PHACTR4: variants seen among roughly 807,000 people sequenced by gnomAD.
PHACTR4 encodes protein phosphatase 1, regulatory subunit 124.
Under a neutral mutation model 72.7 loss-of-function variants are expected in PHACTR4, and 51 were observed. The ratio of observed to expected loss-of-function variants is 0.70; its 90% CI spans 0.56 to 0.89. The LOEUF is 0.89. Among genes scored for constraint, PHACTR4 ranks in the 40% least tolerant of loss-of-function variants. The probability of loss-of-function intolerance (pLI) is 0.00; values close to 1 mark genes in which losing one functional copy is unlikely to be tolerated. For synonymous variants in PHACTR4, 255 were observed against 302.5 expected (o/e 0.84, Z 1.63); for missense variants, 731 against 861.8 (o/e 0.85, Z 1.90).
intron 2 of PHACTR4, among the ~76,000 whole-genome samples, chr1:28,413,193 T>C (rs1441716435): frequency 2.6e-5 from 4 of 152,192 alleles, no homozygotes; most frequent in African/African-American, 9.7e-5. Context: ...TCAAGTATGT[T>C]CAAAGAAGAA....
At chr1:28,373,820 G>A (rs1176742604) in intron 1 of PHACTR4, among the ~76,000 whole-genome samples, 1 of 152,136 alleles carries the variant, frequency 6.6e-6, no homozygotes, top group African/African-American at 2.4e-5. Flanking sequence ...TTTTACAGCT[G>A]ATAAAGCCTA....
At chr1:28,493,538 CAA>C (rs34819233) in intron 13 of PHACTR4, among the ~76,000 whole-genome samples, 17 of 104,072 alleles carry the variant, frequency 1.6e-4, no homozygotes, top group Non-Finnish European at 1.3e-4. Flanking sequence ...AACTCCATCT[CAA>C]AAAAAAAAAA....
At chr1:28,469,565 A>C (rs1421447123) in intron 6 of PHACTR4, among the ~76,000 whole-genome samples, 4 of 152,214 alleles carry the variant, frequency 2.6e-5, no homozygotes, top group African/African-American at 9.7e-5. Context: ...TATTTTATTA[A>C]TTCAAAAGTA....
At chr1:28,457,009 G>C (rs1035601453) in intron 2 of PHACTR4, among the ~76,000 whole-genome samples, 1 of 152,140 alleles carries the variant, frequency 6.6e-6, no homozygotes, top group Non-Finnish European at 1.5e-5. Context: ...GAATGTCCTT[G>C]TATAAGTCAT....
chr1:28,414,413 G>T (rs1654974160), intron 2 of PHACTR4, among the ~76,000 whole-genome samples: 2 of 109,944 alleles, frequency 1.8e-5, no homozygotes, highest in Non-Finnish European at 3.6e-5. Context: ...TTTGGGGTCA[G>T]TCTTCCTCTG....
In PHACTR4 at chr1:28,465,860, C is replaced by G; in HGVS notation, c.436+11C>G. On this transcript the variant is annotated intron_variant, in intron 5 of 13. Coordinates refer to ENST00000373839, the MANE Select transcript of PHACTR4 (RefSeq NM_001048183.3). ...TAAAGAAACGACTAGGTAAGAAACT[C>G]TGGATTTTTGAGTTTAAGAGCCACG... 1 of 1,597,398 alleles carries G rather than the reference C, an allele frequency of 6.3e-7. No individual in the cohort carries two copies. The highest frequency in any genetic ancestry group is 8.5e-7 in the Non-Finnish European group (1 of 1,175,532).
At chr1:28,488,897 T>A (rs1293957166) in intron 9 of PHACTR4, among the ~76,000 whole-genome samples, 1 of 152,210 alleles carries the variant, frequency 6.6e-6, no homozygotes, top group African/African-American at 2.4e-5. Context: ...CTAACTGAAC[T>A]TTTTTGTGCT....
At chr1:28,428,125 A>C (rs1328511104) in intron 2 of PHACTR4, among the ~76,000 whole-genome samples, 1 of 152,252 alleles carries the variant, frequency 6.6e-6, no homozygotes, top group African/African-American at 2.4e-5. Flanking sequence ...GATTTGAATC[A>C]GTTGTCTGAT....
At chr1:28,476,653 G>A (rs1317610056) in intron 8 of PHACTR4, among the ~76,000 whole-genome samples, 1 of 150,266 alleles carries the variant, frequency 6.7e-6, no homozygotes, top group Non-Finnish European at 1.5e-5. Context: ...TGATCCTTAC[G>A]CCTCAACCTC....
intron 7 of PHACTR4, among the ~76,000 whole-genome samples, chr1:28,475,598 G>A (rs539818482): frequency 3.9e-5 from 6 of 152,178 alleles, no homozygotes; most frequent in African/African-American, 1.4e-4. Flanking sequence ...GGTAAAGCTG[G>A]GATCTGAACC....
At chr1:28,436,085 T>C (rs1258873498) in intron 2 of PHACTR4, among the ~76,000 whole-genome samples, 1 of 152,196 alleles carries the variant, frequency 6.6e-6, no homozygotes, top group Non-Finnish European at 1.5e-5. Context: ...TTGTTACCTT[T>C]GCTGTTTTTT....
At chr1:28,394,137 T>C (rs1557783835) in intron 1 of PHACTR4, among the ~76,000 whole-genome samples, 7 of 152,022 alleles carry the variant, frequency 4.6e-5, no homozygotes, top group Admixed American at 2.6e-4. Context: ...TGAAGACCTT[T>C]CAAGAAGTCA....
At chr1:28,419,385 C>A (rs888924196) in intron 2 of PHACTR4, among the ~76,000 whole-genome samples, 3 of 149,638 alleles carry the variant, frequency 2.0e-5, no homozygotes, top group African/African-American at 7.6e-5. Context: ...GATATATTAT[C>A]ACTTTACACA....
intron 2 of PHACTR4, among the ~76,000 whole-genome samples, chr1:28,419,682 T>TTGTA (rs1655385553): frequency 6.6e-6 from 1 of 152,150 alleles, no homozygotes; most frequent in Non-Finnish European, 1.5e-5. Flanking sequence ...TTGCTTATCT[T>TTGTA]TGTAGATGGG....
At chr1:28,428,814 T>G (rs1656036035) in intron 2 of PHACTR4, among the ~76,000 whole-genome samples, 1 of 152,218 alleles carries the variant, frequency 6.6e-6, no homozygotes, top group South Asian at 2.1e-4. Context: ...CATTAGGTAG[T>G]CTTTGGAAAT....
chr1:28,447,208 C>T (rs534611477), intron 2 of PHACTR4, among the ~76,000 whole-genome samples: 36 of 151,726 alleles, frequency 2.4e-4, no homozygotes, highest in Middle Eastern at 3.4e-3. Context: ...GACGGGGTTT[C>T]GCCGTATTGG....
At chr1:28,462,355 C>G (rs1344079728) in intron 4 of PHACTR4, among the ~76,000 whole-genome samples, 1 of 151,830 alleles carries the variant, frequency 6.6e-6, no homozygotes, top group African/African-American at 2.4e-5. Context: ...CATGGCCTTT[C>G]TTTTCACCTT....
At chr1:28,460,433 C>CCCTT in intron 4 of PHACTR4, 141 bp downstream of exon 4, 1 of 593,356 alleles carries the variant, frequency 1.7e-6, no homozygotes, top group Non-Finnish European at 3.0e-6. Flanking sequence ...AAAAAGTTCA[C>CCCTT]CCTTCCTTCC....
At chr1:28,380,203 T>C (rs4908412) in intron 1 of PHACTR4, among the ~76,000 whole-genome samples, 55,804 of 147,776 alleles carry the variant, frequency 0.38, 12,129 homozygotes, top group African/African-American at 0.59. Context: ...ACTACAGGCG[T>C]CCGCTACCAC....
Sources: allele counts gnomAD v4.1 joint callset (sites outside exome capture counted in the v4.1 genomes callset), GRCh38; gene constraint gnomAD v4.1.1; transcripts MANE v1.5; gene names NCBI Gene and HGNC (gene_info 2026-07-23, HGNC 2026-07-21).